Variants in BABAM2 observed in about 807,000 individuals in gnomAD.
BABAM2 encodes BRISC and BRCA1-A complex member 2.
In BABAM2, 31 loss-of-function variants were observed where a neutral mutation model predicts 54.7. The observed-to-expected ratio is 0.57, with a 90% confidence interval of 0.43 to 0.77. The LOEUF (loss-of-function observed/expected upper bound fraction) is 0.77. BABAM2 is among the 30% of genes least tolerant of loss of function. The pLI is 0.00. For missense variants in BABAM2, 364 were observed against 455.8 expected, an observed-to-expected ratio of 0.80 and a Z score of 1.83; for synonymous variants, 167 against 162.9, an observed-to-expected ratio of 1.03 and a Z score of -0.19.
intron 2 of BABAM2, among the ~76,000 whole-genome samples, chr2:27,901,587 G>T (rs947199876): frequency 3.9e-5 from 6 of 152,200 alleles, no homozygotes; most frequent in African/African-American, 7.2e-5. Context: ...AGTGCTGTAA[G>T]CTTTGAAGAC....
chr2:28,205,681 G>A (rs1488081763), intron 7 of BABAM2, among the ~76,000 whole-genome samples: 1 of 152,098 alleles, frequency 6.6e-6, no homozygotes, highest in Admixed American at 6.5e-5. Flanking sequence ...TTAAGTCTAA[G>A]CTCAATTAGG....
At chr2:28,294,729 C>A (rs899365428) in intron 10 of BABAM2, among the ~76,000 whole-genome samples, 18 of 152,168 alleles carry the variant, frequency 1.2e-4, no homozygotes, top group Non-Finnish European at 2.4e-4. Context: ...AATAAGCCAT[C>A]ATTTTATTGA....
intron 11 of BABAM2, among the ~76,000 whole-genome samples, chr2:28,335,623 C>T (rs567980670): frequency 6.6e-5 from 10 of 152,354 alleles, no homozygotes; most frequent in African/African-American, 1.9e-4. Flanking sequence ...GATGTGCTCC[C>T]GCTTTCCAGG....
chr2:28,054,041 G>A (rs909474292), intron 6 of BABAM2, among the ~76,000 whole-genome samples: 1 of 151,892 alleles, frequency 6.6e-6, no homozygotes. Context: ...ACAAAACAAC[G>A]TTTATTTTTA....
intron 6 of BABAM2, among the ~76,000 whole-genome samples, chr2:28,069,564 T>C (rs1301885738): frequency 1.3e-5 from 2 of 152,204 alleles, no homozygotes; most frequent in African/African-American, 2.4e-5. Context: ...AAGATTGCCC[T>C]GCTACCATGA....
chr2:28,233,002 G>T (rs981894823), intron 7 of BABAM2: 11 of 301,878 alleles, frequency 3.6e-5, no homozygotes, highest in South Asian at 6.3e-5. Flanking sequence ...TAAAACTCTG[G>T]CCTCATCCTT....
intron 7 of BABAM2, among the ~76,000 whole-genome samples, chr2:28,206,655 G>A (rs1678877789): frequency 6.6e-6 from 1 of 152,098 alleles, no homozygotes; most frequent in South Asian, 2.1e-4. Context: ...AGAGGAAGGG[G>A]CATCTGTTTG....
chr2:27,986,223 T>C (rs1047395617), intron 3 of BABAM2, among the ~76,000 whole-genome samples: 2 of 152,174 alleles, frequency 1.3e-5, no homozygotes, highest in African/African-American at 2.4e-5. Context: ...TGGGACAAAA[T>C]AGCACATTAA....
chr2:27,943,116 C>T (rs1573226763), intron 3 of BABAM2, among the ~76,000 whole-genome samples: 1 of 152,114 alleles, frequency 6.6e-6, no homozygotes, highest in Admixed American at 6.5e-5. Flanking sequence ...GAACCTTGGC[C>T]GCTAGGTCCA....
chr2:28,063,473 G>C (rs1022817545), intron 6 of BABAM2, among the ~76,000 whole-genome samples: 1 of 152,110 alleles, frequency 6.6e-6, no homozygotes, highest in Non-Finnish European at 1.5e-5. Flanking sequence ...TTTGTGCCAA[G>C]TCTTTAAAAT....
chr2:28,007,922 G>A (rs1314981203), intron 4 of BABAM2, among the ~76,000 whole-genome samples: 1 of 152,076 alleles, frequency 6.6e-6, no homozygotes, highest in Admixed American at 6.6e-5. Context: ...GCTCCCAGTA[G>A]CCAGTATCTT....
At chr2:28,182,857 C>G (rs957894012) in intron 7 of BABAM2, among the ~76,000 whole-genome samples, 7 of 152,128 alleles carry the variant, frequency 4.6e-5, no homozygotes, top group African/African-American at 1.4e-4. Context: ...TAAAGTATAT[C>G]TGCTGTTGTT....
In BABAM2 at chr2:28,261,049, C is replaced by T. The variant is rs111230542; in HGVS notation, c.934+16187C>T. ...CTCCACCTCCTAGATTCAAGCGATT[C>T]TCCTGCCTCAGCCTCCCAAATACCT... On this transcript the variant is annotated intron_variant, in intron 10 of 11. Transcript: ENST00000379624. Among the ~76,000 whole-genome samples, 1,232 of 146,534 alleles carry T rather than the reference C, an allele frequency of 8.4e-3. 10 individuals carry two copies. The highest frequency in any genetic ancestry group is 0.029 in the African/African-American group (1,150 of 39,488).
At chr2:28,008,255 C>A (rs1674114785) in intron 4 of BABAM2, among the ~76,000 whole-genome samples, 1 of 152,228 alleles carries the variant, frequency 6.6e-6, no homozygotes, top group East Asian at 1.9e-4. Flanking sequence ...TTCAGCTATT[C>A]TTTTGCTTAC....
Position 28,259,106 on chromosome 2 carries a change from T to TTTC in BABAM2, c.934+14244_934+14245insTTC, listed in dbSNP as rs1553352395. ...TTTTTTTTTTTTTTTTTTTTTTTTT[T>TTTC]CAGACTGAGTCTTGCTCTGTTGCCA... On this transcript the variant is annotated intron_variant, in intron 10 of 11. Transcript: ENST00000379624. Among the ~76,000 whole-genome samples the TTTC allele has an allele frequency of 2.9e-3, 322 of 109,664 alleles. 29 individuals are homozygous for TTTC. Among genetic ancestry groups the TTTC allele is most frequent in the Non-Finnish European group, 4.2e-3 (221 of 52,740 alleles). 71.9% of individuals were successfully genotyped at this position (109,664 alleles called of 152,430 possible).
chr2:28,196,793 G>A (rs1677610214), intron 7 of BABAM2, among the ~76,000 whole-genome samples: 1 of 142,508 alleles, frequency 7.0e-6, no homozygotes, highest in African/African-American at 2.6e-5. Flanking sequence ...AGCCTATAGA[G>A]CTATGATCAC....
chr2:28,305,695 T>G (rs1486418231), intron 11 of BABAM2, among the ~76,000 whole-genome samples: 1 of 152,206 alleles, frequency 6.6e-6, no homozygotes, highest in Non-Finnish European at 1.5e-5. Context: ...ATATTCAGAT[T>G]GCTGTATTTC....
intron 7 of BABAM2, among the ~76,000 whole-genome samples, chr2:28,215,761 C>T (rs1208900536): frequency 6.6e-6 from 1 of 152,138 alleles, no homozygotes; most frequent in Admixed American, 6.6e-5. Context: ...CAGTTTCTGC[C>T]CCTCTGCTTC....
chr2:28,165,123 T>C (rs893198152), intron 7 of BABAM2, among the ~76,000 whole-genome samples: 3 of 152,346 alleles, frequency 2.0e-5, no homozygotes, highest in Non-Finnish European at 4.4e-5. Context: ...CGTCTTTGCC[T>C]TCAAGGAATT....
Sources: gnomAD v4.1 joint callset for allele counts (sites outside exome capture counted in the v4.1 genomes callset) on GRCh38, gnomAD v4.1.1 for gene constraint, MANE v1.5 for transcripts, NCBI Gene and HGNC (gene_info 2026-07-23, HGNC 2026-07-21) for gene names.